The following KCNH5 variants were observed in gnomAD, a reference collection of about 807,000 sequenced individuals.
KCNH5 encodes the protein potassium voltage-gated channel subfamily H member 5.
In KCNH5, 46 loss-of-function variants were observed where a neutral mutation model predicts 96.1. That is an observed-to-expected ratio of 0.48 (90% CI 0.38 to 0.61). The LOEUF is 0.61. Ranked by LOEUF, KCNH5 falls within the 20% of genes least tolerant of loss-of-function variation. KCNH5 has a pLI of 0.00. For missense variants in KCNH5, 907 were observed against 1,225.8 expected, an observed-to-expected ratio of 0.74 and a Z score of 3.88; for synonymous variants, 439 against 449.8, an observed-to-expected ratio of 0.98 and a Z score of 0.30.
chr14:63,024,375 C>A (rs1395585396), intron 1 of KCNH5, among the ~76,000 whole-genome samples: 3 of 151,374 alleles, frequency 2.0e-5, no homozygotes, highest in Admixed American at 2.0e-4. Flanking sequence ...GCTCAGTGAA[C>A]TAGAAAAAGA....
chr14:62,765,295 A>G (rs1885836316), intron 10 of KCNH5, among the ~76,000 whole-genome samples: 1 of 152,178 alleles, frequency 6.6e-6, no homozygotes, highest in Non-Finnish European at 1.5e-5. Flanking sequence ...TTCCATAAAT[A>G]GTGCTAAGAT....
intron 7 of KCNH5, among the ~76,000 whole-genome samples, chr14:62,935,407 A>G (rs1008850210): frequency 4.6e-5 from 7 of 152,200 alleles, no homozygotes; most frequent in Admixed American, 4.6e-4. Flanking sequence ...TAAAGAAAGA[A>G]TTAAAGAATA....
chr14:62,954,274 C>T (rs946033918), intron 6 of KCNH5, among the ~76,000 whole-genome samples: 4 of 152,176 alleles, frequency 2.6e-5, no homozygotes, highest in African/African-American at 9.7e-5. Context: ...TCATACTCTC[C>T]CCCGTCCCCC....
intron 1 of KCNH5, 56 bp downstream of exon 1, chr14:63,045,058 G>T: frequency 2.2e-6 from 3 of 1,343,134 alleles, no homozygotes; most frequent in Non-Finnish European, 3.2e-6. Flanking sequence ...GGGAGGATGG[G>T]GGGCGCGTGT....
intron 10 of KCNH5, among the ~76,000 whole-genome samples, chr14:62,750,039 G>T (rs747523210): frequency 2.0e-5 from 3 of 152,098 alleles, no homozygotes; most frequent in Admixed American, 2.0e-4. Flanking sequence ...ACTGGTAAAG[G>T]TGTCAATGAA....
At chr14:62,970,044 T>TTAAAAAAA (rs535103059) in intron 6 of KCNH5, among the ~76,000 whole-genome samples, 1 of 30,406 alleles carries the variant, frequency 3.3e-5, no homozygotes, top group Non-Finnish European at 6.5e-5. Context: ...AGACTCCGTC[T>TTAAAAAAA]AAAAAAAAAA....
chr14:62,849,614 C>T, intron 8 of KCNH5, 39 bp downstream of exon 8: 1 of 1,551,678 alleles, frequency 6.4e-7, no homozygotes, highest in Non-Finnish European at 8.9e-7. Flanking sequence ...GAAGATCCTA[C>T]TAAAATAGAA....
chr14:62,950,512 T>G lies in KCNH5; in HGVS notation c.990A>C (p.Arg330=). The G allele has an allele frequency of 6.2e-7, 1 of 1,605,732 alleles. No homozygotes were observed. The highest frequency in any genetic ancestry group is 1.1e-5 in the South Asian group (1 of 91,014). The part of the protein sequence containing the change: ...FSSLKVVRLL[R]LGRVARKLDH... Reference sequence around the variant, plus strand: ...CCAGTTTCCTAGCCACACGGCCCAGTCGTAAGAGACGCACCACTTTTAAAG... The same window carrying G: ...CCAGTTTCCTAGCCACACGGCCCAGGCGTAAGAGACGCACCACTTTTAAAG... The change falls in exon 7 of 11, where the codon CGA becomes CGC. Residue 330 remains arginine, a synonymous_variant. Coordinates refer to ENST00000322893, the MANE Select transcript of KCNH5 (RefSeq NM_139318.5).
chr14:62,914,518 A>T (rs1236570456), intron 7 of KCNH5, among the ~76,000 whole-genome samples: 1 of 152,176 alleles, frequency 6.6e-6, no homozygotes, highest in African/African-American at 2.4e-5. Flanking sequence ...AATGATCAGC[A>T]CTGTTAATTT....
chr14:62,855,888 T>C (rs1887917349), intron 7 of KCNH5, among the ~76,000 whole-genome samples: 1 of 152,052 alleles, frequency 6.6e-6, no homozygotes, highest in Non-Finnish European at 1.5e-5. Flanking sequence ...ACACCTATTA[T>C]ATGCCAGCCA....
chr14:63,004,437 G>GC (rs1193269675), intron 3 of KCNH5, among the ~76,000 whole-genome samples: 1 of 152,186 alleles, frequency 6.6e-6, no homozygotes, highest in Non-Finnish European at 1.5e-5. Context: ...TGCATAGAGA[G>GC]TTATCTGGAA....
intron 7 of KCNH5, among the ~76,000 whole-genome samples, chr14:62,869,556 G>T (rs1299560059): frequency 6.6e-6 from 1 of 151,922 alleles, no homozygotes; most frequent in African/African-American, 2.4e-5. Context: ...GTCAATTTTG[G>T]CTTTTGTTGC....
chr14:62,920,238 T>C (rs1322412247), intron 7 of KCNH5, among the ~76,000 whole-genome samples: 1 of 151,942 alleles, frequency 6.6e-6, no homozygotes, highest in African/African-American at 2.4e-5. Context: ...AGGCAGGTCA[T>C]GGAGAGAAAA....
At position 62,882,100 on chromosome 14, in the gene KCNH5, T is replaced by TAAAA. The variant is rs143123435; in HGVS notation, c.1370-32252_1370-32249dup. Reference sequence around the variant, plus strand: ...GCTAACATAGAGAAACCCCATTTCTTAAAAAAAAAAAAAAAAAAAAAAAAA... The same window carrying TAAAA: ...GCTAACATAGAGAAACCCCATTTCTTAAAAAAAAAAAAAAAAAAAAAAAAAAAAA... On this transcript the variant is annotated intron_variant, in intron 7 of 10. Transcript: ENST00000322893. Among the ~76,000 whole-genome samples, 111 of 76,656 alleles carry TAAAA rather than the reference T, an allele frequency of 1.4e-3. 5 individuals are homozygous for TAAAA. The highest frequency in any genetic ancestry group is 5.1e-3 in the African/African-American group (86 of 16,936). 50.3% of individuals were successfully genotyped at this position (76,656 alleles called of 152,430 possible).
intron 8 of KCNH5, among the ~76,000 whole-genome samples, chr14:62,806,079 T>C (rs775366473): frequency 5.9e-5 from 9 of 152,136 alleles, no homozygotes; most frequent in Non-Finnish European, 8.8e-5. Context: ...AAAACCAAGA[T>C]GGCCACGGAG....
At chr14:62,713,592 T>C (rs1176588430) in intron 10 of KCNH5, among the ~76,000 whole-genome samples, 2 of 152,302 alleles carry the variant, frequency 1.3e-5, no homozygotes, top group East Asian at 1.9e-4. Flanking sequence ...GAAAGCTTCA[T>C]TAAAAACAAA....
intron 6 of KCNH5, among the ~76,000 whole-genome samples, chr14:62,959,724 G>A (rs760490785): frequency 1.2e-4 from 18 of 152,158 alleles, no homozygotes; most frequent in South Asian, 1.0e-3. Flanking sequence ...TTCTGAATCA[G>A]TTTCCATTAT....
chr14:62,927,348 A>G (rs776150283), intron 7 of KCNH5, among the ~76,000 whole-genome samples: 2 of 152,164 alleles, frequency 1.3e-5, no homozygotes, highest in Non-Finnish European at 2.9e-5. Context: ...AAATATTACA[A>G]ATAAAACTAC....
chr14:62,776,798 A>G (rs1343993639), intron 10 of KCNH5, among the ~76,000 whole-genome samples: 1 of 152,190 alleles, frequency 6.6e-6, no homozygotes, highest in Non-Finnish European at 1.5e-5. Flanking sequence ...TCGCACAGTA[A>G]GCATCTTATT....
Sources: gnomAD v4.1 joint callset for allele counts (sites outside exome capture counted in the v4.1 genomes callset) on GRCh38, gnomAD v4.1.1 for gene constraint, MANE v1.5 for transcripts, NCBI Gene and HGNC (gene_info 2026-07-23, HGNC 2026-07-21) for gene names.